The following MCF2L2 variants were observed in gnomAD, a reference collection of about 807,000 sequenced individuals.
MCF2L2 encodes probable guanine nucleotide exchange factor MCF2L2.
Under a neutral mutation model 150.2 loss-of-function variants are expected in MCF2L2, and 102 were observed. The observed-to-expected ratio is 0.68, with a 90% CI of 0.58 to 0.80. The LOEUF (loss-of-function observed/expected upper bound fraction) is 0.80, where lower values mean the gene tolerates loss of function less well. Among genes scored for constraint, MCF2L2 ranks in the 30% least tolerant of loss-of-function variants. MCF2L2 has a pLI of 0.00. For synonymous variants in MCF2L2, 465 were observed against 491.3 expected (o/e 0.95, Z 0.71); for missense variants, 1,256 against 1,372.8 (o/e 0.91, Z 1.34).
intron 22 of MCF2L2, among the ~76,000 whole-genome samples, 185 bp downstream of exon 22, chr3:183,215,784 T>C (rs1165241760): frequency 6.6e-6 from 1 of 152,234 alleles, no homozygotes; most frequent in East Asian, 1.9e-4. Flanking sequence ...CCAAGATTCC[T>C]GAAGATGCCA....
chr3:183,383,858 C>G (rs1713677816), intron 2 of MCF2L2, among the ~76,000 whole-genome samples: 1 of 152,096 alleles, frequency 6.6e-6, no homozygotes, highest in African/African-American at 2.4e-5. Context: ...ACTACATTTC[C>G]CAGCTTCCCT....
intron 1 of MCF2L2, among the ~76,000 whole-genome samples, chr3:183,395,634 T>C (rs964833799): frequency 2.6e-5 from 4 of 152,130 alleles, no homozygotes; most frequent in Non-Finnish European, 4.4e-5. Context: ...AAATGGAATA[T>C]TCGGCGGGGT....
At chr3:183,310,512 T>A (rs1310391976) in intron 9 of MCF2L2, 1 of 265,376 alleles carries the variant, frequency 3.8e-6, no homozygotes, top group Non-Finnish European at 7.5e-6. Context: ...AAAAAAAAAA[T>A]TACCGGGTGT....
At chr3:183,327,957 G>A (rs374257973) in intron 5 of MCF2L2, among the ~76,000 whole-genome samples, 56 of 152,236 alleles carry the variant, frequency 3.7e-4, no homozygotes, top group Non-Finnish European at 6.9e-4. Context: ...ACATGAATGC[G>A]GTGACTCAGG....
At chr3:183,337,935 G>C (rs1730552917) in intron 5 of MCF2L2, among the ~76,000 whole-genome samples, 1 of 152,170 alleles carries the variant, frequency 6.6e-6, no homozygotes, top group South Asian at 2.1e-4. Flanking sequence ...GTTTGCCAAA[G>C]TTATAGGTAA....
intron 3 of MCF2L2, chr3:183,373,577 T>G (rs1417845734): frequency 6.6e-6 from 1 of 152,130 alleles, no homozygotes; most frequent in Non-Finnish European, 1.5e-5. Flanking sequence ...CTGTTCTGTC[T>G]CACCATAGCT....
chr3:183,211,847 T>A, intron 22 of MCF2L2, among the ~76,000 whole-genome samples: 1 of 151,612 alleles, frequency 6.6e-6, no homozygotes, highest in East Asian at 2.0e-4. Context: ...ATCCAAGGAG[T>A]TCATTCAGCG....
intron 22 of MCF2L2, among the ~76,000 whole-genome samples, chr3:183,214,233 C>T (rs957228477): frequency 6.6e-6 from 1 of 152,064 alleles, no homozygotes; most frequent in African/African-American, 2.4e-5. Context: ...AGAAAGATGC[C>T]CTGGATTGAC....
At chr3:183,230,930 C>A (rs1266058860) in intron 16 of MCF2L2, 21 bp downstream of exon 16, 1 of 1,582,966 alleles carries the variant, frequency 6.3e-7, no homozygotes, top group Non-Finnish European at 8.7e-7. Flanking sequence ...GCTTGATACC[C>A]CACTCCCCAA....
intron 10 of MCF2L2, among the ~76,000 whole-genome samples, chr3:183,309,292 G>A (rs1432562598): frequency 1.3e-5 from 2 of 150,628 alleles, no homozygotes; most frequent in Admixed American, 1.3e-4. Flanking sequence ...TTTCTCCTTT[G>A]AAAGTTTCCC....
intron 1 of MCF2L2, among the ~76,000 whole-genome samples, chr3:183,402,028 G>C (rs1019885849): frequency 1.3e-5 from 2 of 152,192 alleles, no homozygotes; most frequent in African/African-American, 4.8e-5. Flanking sequence ...AGTTGTACTA[G>C]AAAGCACTTC....
In MCF2L2 at chr3:183,207,964, C is replaced by T. The variant is rs1032373747; in HGVS notation, c.2497-141G>A. 8.9e-6 allele frequency: 6 copies of T among 677,062 alleles called. No homozygotes were observed. The African/African-American group carries it at 1.1e-4, about 12-fold the overall frequency. The allele number at this position is 677,062 out of a possible 1,614,324, so 41.9% of individuals were successfully genotyped here. A position where few individuals can be genotyped will look rare whatever the true frequency, so the allele number is the denominator to read the frequency against. ...AAAAGTGCTATTCAGGCTGGTCTGT[C>T]ACTAAATCAAAACGACAATTTTTTG... On this transcript the variant is annotated intron_variant, in intron 22 of 29. Coordinates refer to ENST00000328913, the MANE Select transcript of MCF2L2 (RefSeq NM_015078.4).
intron 27 of MCF2L2, 116 bp from the exon 28 acceptor site, chr3:183,180,275 C>T (rs1560327860): frequency 1.4e-6 from 1 of 714,588 alleles, no homozygotes; most frequent in African/African-American, 1.8e-5. Flanking sequence ...CCATCTCTAA[C>T]TCCTGCTCTC....
chr3:183,263,544 T>C (rs1725814958), intron 15 of MCF2L2, among the ~76,000 whole-genome samples: 1 of 149,388 alleles, frequency 6.7e-6, no homozygotes, highest in South Asian at 2.1e-4. Flanking sequence ...TTTCTCTCCT[T>C]CTCCGGAGTT....
intron 27 of MCF2L2, among the ~76,000 whole-genome samples, chr3:183,189,498 C>T (rs539397475): frequency 6.2e-4 from 95 of 152,266 alleles, no homozygotes; most frequent in African/African-American, 2.0e-3. Flanking sequence ...GACTGGGAAC[C>T]GTCTTAAGTG....
rs551131524 is a variant in MCF2L2, at chr3:183,368,349, C to T, written c.275+10948G>A. Among the ~76,000 whole-genome samples the T allele has an allele frequency of 5.9e-5, 9 of 152,244 alleles. No individual in the cohort carries two copies. In the South Asian group the frequency reaches 1.9e-3, roughly 32 times the overall value. ...CTACCATCCATCTGCCAAATCCACCCCACTCTCATCTTTGTAAATAAAGTT... is the reference window on the plus strand; with the variant it reads ...CTACCATCCATCTGCCAAATCCACCTCACTCTCATCTTTGTAAATAAAGTT... On this transcript the variant is annotated intron_variant, in intron 3 of 29. Transcript: ENST00000328913.
At chr3:183,395,540 T>G (rs763699347) in intron 1 of MCF2L2, among the ~76,000 whole-genome samples, 3 of 152,232 alleles carry the variant, frequency 2.0e-5, no homozygotes, top group South Asian at 4.1e-4. Context: ...ATAATTTACA[T>G]GCAATACAAT....
intron 25 of MCF2L2, among the ~76,000 whole-genome samples, chr3:183,196,715 T>C (rs972390862): frequency 1.3e-5 from 2 of 152,190 alleles, no homozygotes; most frequent in African/African-American, 2.4e-5. Context: ...GGATAAGTTA[T>C]GTAAAATTGA....
chr3:183,379,342 T>C lies in MCF2L2; in HGVS notation c.230A>G (p.Asp77Gly). The C allele has an allele frequency of 1.2e-6, 2 of 1,611,032 alleles. No individual in the cohort carries two copies. Among genetic ancestry groups the C allele is most frequent in the Non-Finnish European group, 1.7e-6 (2 of 1,178,760 alleles). The stretch of plus-strand genomic sequence containing the variant: ...GGTCATGACATTCAGGAAGTCTTCA[T>C]CTGGGATGTGTTTGAACCCCGAAAA... The part of the protein sequence containing the change: ...PEFSGFKHIP[D>G]EDFLNVMTYL... The change falls in exon 3 of 30, where the codon GAT (aspartate) becomes GGT (glycine). Residue 77 changes from aspartate to glycine, a missense_variant. Transcript: ENST00000328913.
Sources: gnomAD v4.1 joint callset for allele counts (sites outside exome capture counted in the v4.1 genomes callset) on GRCh38, gnomAD v4.1.1 for gene constraint, MANE v1.5 for transcripts, NCBI Gene and HGNC (gene_info 2026-07-23, HGNC 2026-07-21) for gene names.